Variants in ZBTB14 observed in about 807,000 individuals in gnomAD.
ZBTB14 encodes zinc finger and BTB domain-containing protein 14.
In ZBTB14, 8 loss-of-function variants were observed where a neutral mutation model predicts 29.5. That is an observed-to-expected ratio of 0.27 (90% CI 0.16 to 0.49). ZBTB14 has a LOEUF of 0.49. Ranked by LOEUF, ZBTB14 falls within the 20% of genes least tolerant of loss-of-function variation. The pLI is 0.99. For missense variants in ZBTB14, 333 were observed against 563.8 expected, an observed-to-expected ratio of 0.59 and a Z score of 4.15; for synonymous variants, 226 against 207.2, an observed-to-expected ratio of 1.09 and a Z score of -0.78.
Position 5,291,545 on chromosome 18 carries a change from T to C in ZBTB14, c.663A>G (p.Glu221=), listed in dbSNP as rs1468062789. The C allele has an allele frequency of 3.1e-6, 5 of 1,614,090 alleles. No individual in the cohort carries two copies. The highest frequency in any genetic ancestry group is 4.2e-6 in the Non-Finnish European group (5 of 1,180,026). ...RKVNCYGQEV[E]SMETPESKDL... ...CTTTTGATTCTGGGGTCTCCATGGA[T>C]TCTACTTCCTGGCCGTAGCAATTGA... Residue 221 remains glutamate (E), a synonymous_variant, in exon 4 of 4, where the codon GAA becomes GAG. Transcript: ENST00000651870. This position sits in a 1 kb window ranked among gnomAD's most constrained non-coding sequence, Gnocchi z 5.8.
In ZBTB14 at chr18:5,291,964, G is replaced by A. The variant is rs962156159; in HGVS notation, c.244C>T (p.Arg82Cys). The A allele has an allele frequency of 1.2e-6, 2 of 1,613,856 alleles. No individual in the cohort carries two copies. The highest frequency in any genetic ancestry group is 8.5e-7 in the Non-Finnish European group (1 of 1,179,962). Residue 82 changes from arginine (R) to cysteine (C), a missense_variant, in exon 4 of 4, where the codon CGT becomes TGT. Physicochemically the swap from Arg to Cys is radical, Grantham distance 180. Transcript: ENST00000651870. This position sits in a 1 kb window ranked among gnomAD's most constrained non-coding sequence, Gnocchi z 5.8. ...AGGACCTCTTCAAATATATCAGAAC[G>A]AAGAAAATCTATTTCTATGACCGAA... The part of the protein sequence containing the change: ...SSSVIEIDFL[R>C]SDIFEEVLNY...
At chr18:5,294,292 C>A (rs80167671) in intron 1 of ZBTB14, among the ~76,000 whole-genome samples, 153 of 152,340 alleles carry the variant, frequency 1.0e-3, no homozygotes, top group African/African-American at 3.4e-3. Flanking sequence ...TCTCTATTCC[C>A]TAGAAGCACC....
In ZBTB14 at chr18:5,291,451, T is replaced by C; in HGVS notation, c.757A>G (p.Thr253Ala). 1 of 1,614,168 alleles carries C rather than the reference T, an allele frequency of 6.2e-7. No homozygotes were observed. The highest frequency in any genetic ancestry group is 8.5e-7 in the Non-Finnish European group (1 of 1,180,028). The change falls in exon 4 of 4, where the codon ACA becomes GCA. Residue 253 changes from threonine to alanine, a missense_variant. Coordinates refer to ENST00000651870, the MANE Select transcript of ZBTB14 (RefSeq NM_001243702.2). This position sits in a 1 kb window ranked among gnomAD's most constrained non-coding sequence, Gnocchi z 5.8. ...CTGGCGGCTGTTGTCCAGCCTGGTG[T>C]CTGTTCATCTTTCACTTCACTCATC... is the stretch of plus-strand genomic sequence containing the variant. Reference protein sequence around the residue: ...DGMSEVKDEQTPGWTTAASDM... With the variant: ...DGMSEVKDEQAPGWTTAASDM...
In ZBTB14 at chr18:5,289,661, G is replaced by A. The variant is rs144962592; in HGVS notation, c.*1197C>T. 25 of 152,370 alleles carry A rather than the reference G, an allele frequency of 1.6e-4. No homozygotes were observed. The East Asian group carries it at 3.3e-3, about 20-fold the overall frequency. The allele number at this position is 152,370 out of a possible 1,614,324, so 9.4% of individuals were successfully genotyped here. ...TGTAACCAGTGATGAAATATATTTC[G>A]AAAACATAAACATTTGGTCTGACAA... On this transcript the variant is annotated 3_prime_UTR_variant, in exon 4 of 4. Transcript: ENST00000651870.
At chr18:5,296,366 C>T (rs1277127591), upstream of ZBTB14, among the ~76,000 whole-genome samples, 2 of 150,298 alleles carry the variant, frequency 1.3e-5, no homozygotes, top group African/African-American at 4.9e-5. Context: ...CCTCAAGCTC[C>T]CTCCCGCCCT....
At chr18:5,293,667 C>T (rs745827657) in intron 2 of ZBTB14, 1 of 163,560 alleles carries the variant, frequency 6.1e-6, no homozygotes, top group African/African-American at 2.4e-5. Context: ...AAAACAAGTG[C>T]ACCGTGCCCC....
chr18:5,296,211 G>C (rs1004129875), upstream of ZBTB14: 2 of 151,138 alleles, frequency 1.3e-5, no homozygotes, highest in African/African-American at 4.8e-5. Context: ...CGCCCCCGGA[G>C]GGCCCTGGCC....
upstream of ZBTB14, chr18:5,296,864 C>T (rs1432646521): frequency 1.1e-5 from 1 of 92,274 alleles, no homozygotes; most frequent in African/African-American, 3.8e-5. Flanking sequence ...GCTCTGATAA[C>T]TTGGCTCTGT....
Position 5,290,613 on chromosome 18 carries a change from G to A in ZBTB14, c.*245C>T. 3.0e-6 allele frequency: 1 copy of A among 332,322 alleles called. No homozygotes were observed. The allele number at this position is 332,322 out of a possible 1,614,324, so 20.6% of individuals were successfully genotyped here. A position where few individuals can be genotyped will look rare whatever the true frequency, so the allele number is the denominator to read the frequency against. On this transcript the variant is annotated 3_prime_UTR_variant, in exon 4 of 4. Transcript: ENST00000651870. Reference sequence around the variant, plus strand: ...TAAAATAATAAAAAAAAAAAAGGGAGAGAGGTGCTTACTGGGCAACATTAA... The same window carrying A: ...TAAAATAATAAAAAAAAAAAAGGGAAAGAGGTGCTTACTGGGCAACATTAA...
At chr18:5,293,049 T>A (rs2071853466) in intron 3 of ZBTB14, among the ~76,000 whole-genome samples, 195 bp downstream of exon 3, 1 of 152,252 alleles carries the variant, frequency 6.6e-6, no homozygotes, top group Admixed American at 6.5e-5. Context: ...AAGATCTCTG[T>A]CATCATGTTA....
Position 5,291,423 on chromosome 18 carries a change from T to C in ZBTB14, c.785A>G (p.Asp262Gly). ...QTPGWTTAAS[D>G]MKFEYLLYGH... ...ATAAAGCAAATACTCAAACTTCATG[T>C]CACTGGCGGCTGTTGTCCAGCCTGG... is the stretch of plus-strand genomic sequence containing the variant. Residue 262 changes from aspartate to glycine, a missense_variant, in exon 4 of 4, where the codon GAC (aspartate) becomes GGC (glycine). Transcript: ENST00000651870. The surrounding 1 kb of genome is among the most constrained non-coding windows in gnomAD (Gnocchi z 5.8). 6.2e-7 allele frequency: 1 copy of C among 1,614,242 alleles called. No individual in the cohort carries two copies. Among genetic ancestry groups the C allele is most frequent in the South Asian group, 1.1e-5 (1 of 91,084 alleles).
Position 5,291,757 on chromosome 18 carries a change from G to C in ZBTB14, c.451C>G (p.Pro151Ala), listed in dbSNP as rs1403031947. 8 of 1,613,862 alleles carry C rather than the reference G, an allele frequency of 5.0e-6. No individual in the cohort carries two copies. The highest frequency in any genetic ancestry group is 6.8e-6 in the Non-Finnish European group (8 of 1,179,980). ...TGGGTGTCAGCAGCATCTCCAATGG[G>C]GCGATTTATTTTAAGGCAATACTTA... is the stretch of plus-strand genomic sequence containing the variant. ...KSKYCLKINR[P>A]IGDAADTQDD... The change falls in exon 4 of 4, where the codon CCC becomes GCC. Residue 151 changes from proline to alanine, a missense_variant. By Grantham distance (27) the Pro-to-Ala change is conservative. Coordinates refer to ENST00000651870, the MANE Select transcript of ZBTB14 (RefSeq NM_001243702.2). This position sits in a 1 kb window ranked among gnomAD's most constrained non-coding sequence, Gnocchi z 5.8.
upstream of ZBTB14, chr18:5,295,806 C>G (rs1365071781): frequency 6.6e-6 from 1 of 152,168 alleles, no homozygotes; most frequent in Non-Finnish European, 1.5e-5. Flanking sequence ...CCCTGGCCCG[C>G]GCTTACCTGC....
intron 1 of ZBTB14, chr18:5,294,964 T>G (rs1184627211): frequency 6.6e-6 from 1 of 151,916 alleles, no homozygotes; most frequent in African/African-American, 2.4e-5. Flanking sequence ...TCAATTTCTT[T>G]GGGCCTGGGA....
At chr18:5,294,731 C>T (rs1180876757) in intron 1 of ZBTB14, 3 of 152,330 alleles carry the variant, frequency 2.0e-5, no homozygotes, top group Non-Finnish European at 4.4e-5. Flanking sequence ...TAATTGCTCT[C>T]CAAACTGCGG....
At position 5,291,388 on chromosome 18, in the gene ZBTB14, G is replaced by A; in HGVS notation, c.820C>T (p.Arg274Trp). 1 of 1,614,196 alleles carries A rather than the reference G, an allele frequency of 6.2e-7. No homozygotes were observed. Among genetic ancestry groups the A allele is most frequent in the Non-Finnish European group, 8.5e-7 (1 of 1,180,044 alleles). ...CACGCCTGGCAGGCAATCTGCTCCC[G>A]ATGGTGACCATAAAGCAAATACTCA... is the stretch of plus-strand genomic sequence containing the variant. Reference protein sequence around the residue: ...KFEYLLYGHHREQIACQACGK... With the variant: ...KFEYLLYGHHWEQIACQACGK... Residue 274 changes from arginine (R) to tryptophan (W), a missense_variant, in exon 4 of 4, where the codon CGG becomes TGG. Arg to Trp is a moderately radical substitution (Grantham distance 101, BLOSUM62 -3). This residue lies in a region of ZBTB14 where 140 missense variants were observed against 274.6 expected (regional missense o/e 0.51). Coordinates refer to ENST00000651870, the MANE Select transcript of ZBTB14 (RefSeq NM_001243702.2). The surrounding 1 kb of genome is among the most constrained non-coding windows in gnomAD (Gnocchi z 5.8).
intron 2 of ZBTB14, 99 bp downstream of exon 2, chr18:5,293,873 T>C (rs1166102299): frequency 6.6e-6 from 1 of 152,238 alleles, no homozygotes. Context: ...CATACACGTT[T>C]GTTTTTAAGA....
At chr18:5,296,374 C>T (rs1427407075), upstream of ZBTB14, among the ~76,000 whole-genome samples, 1 of 150,192 alleles carries the variant, frequency 6.7e-6, no homozygotes, top group Admixed American at 6.6e-5. Flanking sequence ...TCCCTCCCGC[C>T]CTGGTTCGTG....
At position 5,291,302 on chromosome 18, in the gene ZBTB14, G is replaced by A; in HGVS notation, c.906C>T (p.Asp302=). 6.2e-7 allele frequency: 1 copy of A among 1,614,206 alleles called. No homozygotes were observed. The highest frequency in any genetic ancestry group is 1.1e-5 in the South Asian group (1 of 91,086). The part of the protein sequence containing the change: ...LRKHEKLHTA[D]RPFVCEMCTK... Reference sequence around the variant, plus strand: ...TGCACATTTCACAAACAAATGGCCTGTCCGCCGTGTGGAGTTTCTCATGCT... The same window carrying A: ...TGCACATTTCACAAACAAATGGCCTATCCGCCGTGTGGAGTTTCTCATGCT... The change falls in exon 4 of 4, where the codon GAC becomes GAT. Residue 302 remains aspartate (D), a synonymous_variant. Transcript: ENST00000651870. This position sits in a 1 kb window ranked among gnomAD's most constrained non-coding sequence, Gnocchi z 5.8.
Sources: gnomAD v4.1 joint callset for allele counts (sites outside exome capture counted in the v4.1 genomes callset) on GRCh38, gnomAD v4.1.1 for gene constraint, gnomAD v4.1.1 regional missense constraint, Gnocchi (gnomAD v3.1) non-coding constraint, MANE v1.5 for transcripts, NCBI Gene and HGNC (gene_info 2026-07-23, HGNC 2026-07-21) for gene names.